The following DDX60L variants were observed in gnomAD, a reference collection of about 807,000 sequenced individuals.
DDX60L encodes the protein DExD/H-box 60 like.
In DDX60L, 191 loss-of-function variants were observed where a neutral mutation model predicts 211.6. The observed-to-expected ratio is 0.90, with a 90% CI of 0.80 to 1.02. The LOEUF (loss-of-function observed/expected upper bound fraction) is 1.02. Among genes scored for constraint, DDX60L ranks in the 50% least tolerant of loss-of-function variants. The pLI is 0.00. For synonymous variants in DDX60L, 706 were observed against 694.1 expected, an observed-to-expected ratio of 1.02 and a Z score of -0.27; for missense variants, 2,007 against 1,984.1, an observed-to-expected ratio of 1.01 and a Z score of -0.22.
At chr4:168,398,535 G>A (rs1746227465) in intron 26 of DDX60L, among the ~76,000 whole-genome samples, 2 of 152,194 alleles carry the variant, frequency 1.3e-5, no homozygotes, top group Admixed American at 6.5e-5. Context: ...TGGGTCCCTG[G>A]TGAAGTCCCA....
At chr4:168,445,490 A>G (rs1754632915) in intron 9 of DDX60L, among the ~76,000 whole-genome samples, 1 of 152,176 alleles carries the variant, frequency 6.6e-6, no homozygotes, top group Non-Finnish European at 1.5e-5. Context: ...AACTATTCCA[A>G]TCAATAGAAA....
intron 1 of DDX60L, 79 bp from the exon 2 acceptor site, chr4:168,472,888 A>G: frequency 1.6e-6 from 1 of 613,888 alleles, no homozygotes. Flanking sequence ...TACATTTTCC[A>G]CAGAGCAAGC....
intron 30 of DDX60L, among the ~76,000 whole-genome samples, chr4:168,383,451 C>T (rs1280565615): frequency 1.3e-5 from 2 of 152,152 alleles, no homozygotes; most frequent in Non-Finnish European, 2.9e-5. Flanking sequence ...CAAAAGGGGA[C>T]AAGAAGTGGG....
At chr4:168,396,219 T>C in intron 26 of DDX60L, 95 bp from the exon 27 acceptor site, 1 of 723,944 alleles carries the variant, frequency 1.4e-6, no homozygotes, top group Non-Finnish European at 2.2e-6. Flanking sequence ...CCCTTGGTCA[T>C]CCGACGTTGA....
chr4:168,420,415 G>C (rs1561033127), intron 17 of DDX60L, 35 bp from the exon 18 acceptor site: 1 of 1,569,184 alleles, frequency 6.4e-7, no homozygotes. Flanking sequence ...TAGTCACTTA[G>C]TAGAGAAGAG....
At chr4:168,478,670 T>C (rs1759948703) in intron 1 of DDX60L, among the ~76,000 whole-genome samples, 1 of 152,184 alleles carries the variant, frequency 6.6e-6, no homozygotes, top group Admixed American at 6.5e-5. Context: ...ATAAAGCTAA[T>C]CCTGAGAAGA....
Position 168,404,268 on chromosome 4 carries a change from G to C in DDX60L, c.3214-162C>G, listed in dbSNP as rs1747355269. On this transcript the variant is annotated intron_variant, in intron 24 of 37. Coordinates refer to ENST00000682922, the MANE Select transcript of DDX60L (RefSeq NM_001012967.3). Reference sequence around the variant, plus strand: ...TTAATATTATCAAGTAGTGGTAAAAGTCAACAGAGTCACAGACATCTCTAT... The same window carrying C: ...TTAATATTATCAAGTAGTGGTAAAACTCAACAGAGTCACAGACATCTCTAT... 2.0e-5 allele frequency among the ~76,000 whole-genome samples: 3 copies of C among 151,744 alleles called. No individual in the cohort carries two copies. In the South Asian group the frequency reaches 6.2e-4, roughly 31 times the overall value.
At chr4:168,422,726 T>C in intron 15 of DDX60L, 56 bp from the exon 16 acceptor site, 7 of 1,337,064 alleles carry the variant, frequency 5.2e-6, no homozygotes, top group South Asian at 1.3e-5. Flanking sequence ...TGAATAAACA[T>C]TTATTAAATA....
intron 10 of DDX60L, among the ~76,000 whole-genome samples, chr4:168,435,436 C>A (rs577426407): frequency 6.6e-6 from 1 of 152,268 alleles, no homozygotes; most frequent in South Asian, 2.1e-4. Flanking sequence ...CCACATTCAA[C>A]CTGACTATTG....
At position 168,416,705 on chromosome 4, in the gene DDX60L, T is replaced by C; in HGVS notation, c.2703A>G (p.Ile901Met). 1.2e-6 allele frequency: 2 copies of C among 1,600,622 alleles called. No homozygotes were observed. The highest frequency in any genetic ancestry group is 1.7e-6 in the Non-Finnish European group (2 of 1,175,602). Residue 901 changes from isoleucine to methionine, a missense_variant, in exon 20 of 38, where the codon ATA (isoleucine) becomes ATG (methionine). By Grantham distance (10) the Ile-to-Met change is conservative. Coordinates refer to ENST00000682922, the MANE Select transcript of DDX60L (RefSeq NM_001012967.3). ...RCPFLVLSAT[I>M]NNPNLLTKWL... is the part of the protein sequence containing the mutation. ...ACTTGGTGAGAAGATTTGGGTTATT[T>C]ATGGTAGCTGAAAGAACCAAAAAGG... is the stretch of plus-strand genomic sequence containing the variant.
At chr4:168,479,589 A>G (rs1364771348) in intron 1 of DDX60L, among the ~76,000 whole-genome samples, 1 of 152,208 alleles carries the variant, frequency 6.6e-6, no homozygotes, top group African/African-American at 2.4e-5. Flanking sequence ...AAATTTATCA[A>G]TGTAACTTTG....
intron 22 of DDX60L, among the ~76,000 whole-genome samples, chr4:168,414,320 A>C (rs1176670988): frequency 1.3e-5 from 2 of 152,184 alleles, no homozygotes; most frequent in African/African-American, 2.4e-5. Context: ...AAAACACAGA[A>C]TATTATAACA....
intron 4 of DDX60L, among the ~76,000 whole-genome samples, chr4:168,471,211 C>T (rs1490007404): frequency 6.6e-6 from 1 of 152,110 alleles, no homozygotes; most frequent in African/African-American, 2.4e-5. Flanking sequence ...ATGTCTACAA[C>T]TATTTTGAAA....
chr4:168,418,725 T>C (rs1170840793), intron 19 of DDX60L, among the ~76,000 whole-genome samples: 2 of 129,118 alleles, frequency 1.5e-5, no homozygotes, highest in Non-Finnish European at 3.4e-5. Flanking sequence ...GATAATAACA[T>C]AGCTATGTCC....
At position 168,472,526 on chromosome 4, in the gene DDX60L, T is replaced by C; in HGVS notation, c.5-2A>G. The C allele has an allele frequency of 6.3e-7, 1 of 1,579,754 alleles. No individual in the cohort carries two copies. The highest frequency in any genetic ancestry group is 8.6e-7 in the Non-Finnish European group (1 of 1,161,492). ...AAAATACTGCATGATCCTTTGACCCTAAAAATAAGGAGATTTTTTGAGCCA... is the reference window on the plus strand; with the variant it reads ...AAAATACTGCATGATCCTTTGACCCCAAAAATAAGGAGATTTTTTGAGCCA... On this transcript the variant is annotated splice_acceptor_variant, in intron 2 of 37. Transcript: ENST00000682922. LOFTEE classifies it high-confidence loss of function.
At chr4:168,451,549 C>T (rs962549971) in intron 8 of DDX60L, among the ~76,000 whole-genome samples, 10 of 152,180 alleles carry the variant, frequency 6.6e-5, no homozygotes, top group African/African-American at 2.4e-4. Context: ...TTCCTATTGC[C>T]ACCAACATCT....
At chr4:168,426,266 G>T (rs1488846776) in intron 14 of DDX60L, among the ~76,000 whole-genome samples, 1 of 152,168 alleles carries the variant, frequency 6.6e-6, no homozygotes, top group African/African-American at 2.4e-5. Flanking sequence ...TCTCATGGTT[G>T]CTGGCAAAAG....
chr4:168,441,193 T>C, intron 10 of DDX60L, 144 bp downstream of exon 10: 1 of 738,806 alleles, frequency 1.4e-6, no homozygotes, highest in Non-Finnish European at 2.2e-6. Flanking sequence ...TTATTATATG[T>C]ATTTTAAACC....
chr4:168,425,866 A>G (rs912930639), intron 14 of DDX60L, among the ~76,000 whole-genome samples: 18 of 152,246 alleles, frequency 1.2e-4, no homozygotes, highest in Non-Finnish European at 2.4e-4. Flanking sequence ...ACTAAGTAAT[A>G]AAAGCACACA....
Sources: allele counts gnomAD v4.1 joint callset (sites outside exome capture counted in the v4.1 genomes callset), GRCh38; gene constraint gnomAD v4.1.1; transcripts MANE v1.5; gene names NCBI Gene and HGNC (gene_info 2026-07-23, HGNC 2026-07-21).